PPP2R5C: variants seen among roughly 807,000 people sequenced by gnomAD.
PPP2R5C encodes the protein protein phosphatase 2 regulatory subunit B'gamma.
In PPP2R5C, 7 loss-of-function variants were observed where a neutral mutation model predicts 68.9. The ratio of observed to expected loss-of-function variants is 0.10; its 90% CI spans 0.06 to 0.19. PPP2R5C has a LOEUF of 0.19. PPP2R5C is among the 10% of genes least tolerant of loss of function. The pLI, the probability that PPP2R5C is intolerant of heterozygous loss-of-function variation, is 1.00. For missense variants in PPP2R5C, 348 were observed against 641.3 expected (o/e 0.54, Z 4.94); for synonymous variants, 210 against 222.2 (o/e 0.95, Z 0.49).
At chr14:101,789,337 C>T (rs1264185406) in intron 3 of PPP2R5C, among the ~76,000 whole-genome samples, 1 of 152,244 alleles carries the variant, frequency 6.6e-6, no homozygotes, top group Non-Finnish European at 1.5e-5. Flanking sequence ...TTCTGGTAAG[C>T]AGCCTTTGCA....
Position 101,831,600 on chromosome 14 carries a change from C to T in PPP2R5C, c.94+21564C>T, listed in dbSNP as rs1226998073. 5.2e-6 allele frequency: 3 copies of T among 578,998 alleles called. No individual in the cohort carries two copies. In the African/African-American group the frequency reaches 5.5e-5, roughly 11 times the overall value. The allele number at this position is 578,998 out of a possible 1,614,324, so 35.9% of individuals were successfully genotyped here. On this transcript the variant is annotated intron_variant, in intron 1 of 13. Coordinates refer to ENST00000334743, the Ensembl canonical transcript of PPP2R5C. Reference sequence around the variant, plus strand: ...TGGGACACAACTCCTTATCATAGTACATTCCTTAAATAAGTACAAGAATTA... The same window carrying T: ...TGGGACACAACTCCTTATCATAGTATATTCCTTAAATAAGTACAAGAATTA...
intron 2 of PPP2R5C, among the ~76,000 whole-genome samples, chr14:101,763,213 G>A (rs1434262069): frequency 6.6e-6 from 1 of 151,730 alleles, no homozygotes; most frequent in Non-Finnish European, 1.5e-5. Context: ...GGTCTTTTGG[G>A]GTTTTTTTTG....
In PPP2R5C at chr14:101,916,335, C is replaced by T. The variant is rs919321071; in HGVS notation, c.1327-1496C>T. Among the ~76,000 whole-genome samples the T allele has an allele frequency of 1.3e-4, 20 of 152,058 alleles. No homozygotes were observed. The highest frequency in any genetic ancestry group is 8.5e-4 in the Admixed American group (13 of 15,260). ...GTGTGCCCCGTCTGTTTTTGGGGGACGTGGAAGCCAGGTGGGCTGAGTTGA... is the reference window on the plus strand; with the variant it reads ...GTGTGCCCCGTCTGTTTTTGGGGGATGTGGAAGCCAGGTGGGCTGAGTTGA... On this transcript the variant is annotated intron_variant, in intron 12 of 13. Coordinates refer to ENST00000334743, the Ensembl canonical transcript of PPP2R5C. This position sits in a 1 kb window ranked among gnomAD's most constrained non-coding sequence, Gnocchi z 5.5.
At chr14:101,764,084 G>A (rs574130283) in intron 2 of PPP2R5C, among the ~76,000 whole-genome samples, 1 of 151,816 alleles carries the variant, frequency 6.6e-6, no homozygotes, top group Admixed American at 6.5e-5. Context: ...CTTGGCTTTG[G>A]CCTCATTGAG....
At chr14:101,821,648 G>A (rs80152381) in intron 1 of PPP2R5C, among the ~76,000 whole-genome samples, 6,115 of 151,374 alleles carry the variant, frequency 0.04, 173 homozygotes, top group Non-Finnish European at 0.058. Flanking sequence ...GCTCTGAGTT[G>A]GTGTTACGTC....
At position 101,917,453 on chromosome 14, in the gene PPP2R5C, G is replaced by A. The variant is rs531875800; in HGVS notation, c.1327-378G>A. Among the ~76,000 whole-genome samples, 2 of 152,274 alleles carry A rather than the reference G, an allele frequency of 1.3e-5. No homozygotes were observed. The highest frequency in any genetic ancestry group is 4.2e-4 in the South Asian group (2 of 4,818). ...TGGAGGTCGCTGGCAAAGAATGGGC[G>A]GCCAGAGGTGAGGGTTCCAGTGGTG... is the stretch of plus-strand genomic sequence containing the variant. On this transcript the variant is annotated intron_variant, in intron 12 of 13. Transcript: ENST00000334743. This position sits in a 1 kb window ranked among gnomAD's most constrained non-coding sequence, Gnocchi z 4.4.
chr14:101,863,917 G>A (rs2042909102), intron 2 of PPP2R5C, among the ~76,000 whole-genome samples: 1 of 152,080 alleles, frequency 6.6e-6, no homozygotes, highest in Non-Finnish European at 1.5e-5. Flanking sequence ...AAGAAATGCA[G>A]ATTCTTTGGG....
In PPP2R5C at chr14:101,825,077, G is replaced by A. The variant is rs931239337; in HGVS notation, c.94+15041G>A. Among the ~76,000 whole-genome samples the A allele has an allele frequency of 2.0e-5, 3 of 152,224 alleles. No individual in the cohort carries two copies. The highest frequency in any genetic ancestry group is 6.5e-5 in the Admixed American group (1 of 15,286). On this transcript the variant is annotated intron_variant, in intron 1 of 13. Transcript: ENST00000334743. The surrounding 1 kb of genome is among the most constrained non-coding windows in gnomAD (Gnocchi z 4.0). ...GCAAGACGCAGCAGTGGCTTCTCAC[G>A]CCATCTTCGTCACTACACAAGGGGA...
At position 101,836,419 on chromosome 14, in the gene PPP2R5C, A is replaced by C. The variant is rs754993683; in HGVS notation, c.95-20267A>C. 5.8e-5 allele frequency: 41 copies of C among 700,994 alleles called. 1 individual carries two copies. The South Asian group carries it at 6.1e-4, about 10-fold the overall frequency. The allele number at this position is 700,994 out of a possible 1,614,324, so 43.4% of individuals were successfully genotyped here. On this transcript the variant is annotated intron_variant, in intron 1 of 13. Coordinates refer to ENST00000334743, the Ensembl canonical transcript of PPP2R5C. ...CTTAGCCTAAAATCAGAGCTGCTAG[A>C]ATCACACACACTGTCGTAGCTGGTT...
chr14:101,908,491 A>C (rs2046191056), intron 10 of PPP2R5C, among the ~76,000 whole-genome samples: 1 of 152,142 alleles, frequency 6.6e-6, no homozygotes, highest in East Asian at 1.9e-4. Flanking sequence ...CTCCCACCTC[A>C]GCCTCCCAAG....
At chr14:101,854,605 G>C (rs978302589) in intron 1 of PPP2R5C, among the ~76,000 whole-genome samples, 6 of 152,148 alleles carry the variant, frequency 3.9e-5, no homozygotes, top group Non-Finnish European at 8.8e-5. Context: ...CTCGGCACCA[G>C]AGGAAGCAGA....
intron 1 of PPP2R5C, among the ~76,000 whole-genome samples, chr14:101,829,919 A>G (rs985455732): frequency 2.6e-5 from 4 of 151,816 alleles, no homozygotes; most frequent in Non-Finnish European, 5.9e-5. Flanking sequence ...GGGACCGAAC[A>G]CTGGTTTTAG....
upstream of PPP2R5C, among the ~76,000 whole-genome samples, chr14:101,761,637 G>A (rs1380756086): frequency 1.6e-5 from 2 of 127,882 alleles, no homozygotes; most frequent in Non-Finnish European, 3.4e-5. Flanking sequence ...GGGGTGGGAG[G>A]AGAGGGGCGG....
chr14:101,904,307 A>G (rs937844909), intron 9 of PPP2R5C, among the ~76,000 whole-genome samples: 7 of 151,796 alleles, frequency 4.6e-5, no homozygotes, highest in African/African-American at 1.7e-4. Context: ...CTGCCACCAC[A>G]CCTGGCTGAT....
chr14:101,788,989 A>C (rs2038243006), intron 3 of PPP2R5C, among the ~76,000 whole-genome samples: 2 of 152,038 alleles, frequency 1.3e-5, no homozygotes, highest in African/African-American at 4.8e-5. Flanking sequence ...ACTGGGTTAT[A>C]TTTTTTCCCA....
upstream of PPP2R5C, among the ~76,000 whole-genome samples, chr14:101,805,815 G>T (rs995682044): frequency 6.6e-6 from 1 of 152,192 alleles, no homozygotes; most frequent in Non-Finnish European, 1.5e-5. Context: ...AAGGACAAAC[G>T]CTGTAAGATC....
At chr14:101,889,982 A>T (rs1402262726) in intron 5 of PPP2R5C, 2 of 586,626 alleles carry the variant, frequency 3.4e-6, no homozygotes, top group Non-Finnish European at 6.4e-6. Flanking sequence ...GTTTTCCTAG[A>T]TGCTTGAAAT....
At chr14:101,856,017 G>A (rs1052284229) in intron 1 of PPP2R5C, among the ~76,000 whole-genome samples, 4 of 152,240 alleles carry the variant, frequency 2.6e-5, no homozygotes, top group African/African-American at 7.2e-5. Flanking sequence ...GTCGTCATGT[G>A]TGATAAGCCT....
intron 8 of PPP2R5C, among the ~76,000 whole-genome samples, chr14:101,897,835 C>T (rs1319289760): frequency 6.6e-6 from 1 of 152,020 alleles, no homozygotes; most frequent in Admixed American, 6.6e-5. Flanking sequence ...TTATCTCTCC[C>T]CTCCTCTCCC....
Sources: gnomAD v4.1 joint callset for allele counts (sites outside exome capture counted in the v4.1 genomes callset) on GRCh38, gnomAD v4.1.1 for gene constraint, Gnocchi (gnomAD v3.1) non-coding constraint, MANE v1.5 for transcripts, NCBI Gene and HGNC (gene_info 2026-07-23, HGNC 2026-07-21) for gene names.